The following MMP25 variants were observed in gnomAD, a reference collection of about 807,000 sequenced individuals.
MMP25 encodes the protein matrix metallopeptidase 25.
In MMP25, 68 loss-of-function variants were observed where a neutral mutation model predicts 62.1. The ratio of observed to expected loss-of-function variants is 1.10; its 90% CI spans 0.90 to 1.34. The LOEUF is 1.34. MMP25 is among the 40% of genes most tolerant of loss of function. MMP25 has a pLI of 0.00. For missense variants in MMP25, 942 were observed against 792.5 expected (o/e 1.19, Z -2.26); for synonymous variants, 407 against 345.6 (o/e 1.18, Z -1.97).
chr16:3,047,662 C>A (rs568729577), intron 2 of MMP25, 115 bp downstream of exon 2: 12 of 1,235,184 alleles, frequency 9.7e-6, no homozygotes, highest in African/African-American at 1.5e-5. Flanking sequence ...ATGCTGATCT[C>A]AGGCCCCAAA....
At position 3,059,080 on chromosome 16, in the gene MMP25, G is replaced by C; in HGVS notation, c.1671G>C (p.Gly557=). The change falls in exon 10 of 10, where the codon GGG becomes GGC. Residue 557 remains glycine, a synonymous_variant. Coordinates refer to ENST00000336577, the MANE Select transcript of MMP25 (RefSeq NM_022468.5). The part of the protein sequence containing the change: ...IPLLLLPLLV[G]GVASR ...TGCTCCTCTTGCCCCTGCTGGTGGG[G>C]GGTGTAGCCTCCCGCTGATGGGGGG... The C allele has an allele frequency of 1.9e-6, 3 of 1,546,326 alleles. No homozygotes were observed. Among genetic ancestry groups the C allele is most frequent in the Non-Finnish European group, 2.6e-6 (3 of 1,143,936 alleles).
At position 3,049,405 on chromosome 16, in the gene MMP25, C is replaced by T. The variant is rs193246187; in HGVS notation, c.233-604C>T. On this transcript the variant is annotated intron_variant, in intron 2 of 9. Transcript: ENST00000336577. ...ACAAACAGCCTAGAACAGTGTCTGG[C>T]ATCTATATGTCCTTCATCACTATTT... Among the ~76,000 whole-genome samples, 14 of 152,274 alleles carry T rather than the reference C, an allele frequency of 9.2e-5. No homozygotes were observed. In the East Asian group the frequency reaches 9.6e-4, roughly 10 times the overall value.
chr16:3,057,501 CT>C (rs772890296), intron 6 of MMP25, 29 bp from the exon 7 acceptor site: 1 of 1,607,606 alleles, frequency 6.2e-7, no homozygotes, highest in Admixed American at 1.7e-5. Context: ...ACAAACCCCC[CT>C]CTCTACTCAC....
At position 3,047,468 on chromosome 16, in the gene MMP25, G is replaced by A. The variant is rs780482358; in HGVS notation, c.153G>A (p.Gln51=). ...CGCCACCCCACCCTGCCCAGGCCCAGCTGCAGAGCCCTGAGAAGTTGCGCG... is the reference window on the plus strand; with the variant it reads ...CGCCACCCCACCCTGCCCAGGCCCAACTGCAGAGCCCTGAGAAGTTGCGCG... ...YLPPPHPAQA[Q]LQSPEKLRDA... Residue 51 remains glutamine, a synonymous_variant, in exon 2 of 10, where the codon CAG becomes CAA. Transcript: ENST00000336577. 6.2e-7 allele frequency: 1 copy of A among 1,613,892 alleles called. No homozygotes were observed. Among genetic ancestry groups the A allele is most frequent in the Non-Finnish European group, 8.5e-7 (1 of 1,179,956 alleles).
intron 4 of MMP25, among the ~76,000 whole-genome samples, chr16:3,056,393 C>CTT (rs202154299): frequency 1.3e-5 from 2 of 150,354 alleles, no homozygotes; most frequent in Non-Finnish European, 3.0e-5. Context: ...TTTTCTTTTT[C>CTT]TTTTTTTTTC....
intron 2 of MMP25, 152 bp from the exon 3 acceptor site, chr16:3,049,857 C>A: frequency 8.8e-7 from 1 of 1,140,552 alleles, no homozygotes; most frequent in African/African-American, 1.5e-5. Context: ...GACAGACTGC[C>A]TGGGTTCAAA....
At position 3,058,293 on chromosome 16, in the gene MMP25, C is replaced by G. The variant is rs1596222613; in HGVS notation, c.1119C>G (p.Ala373=). The G allele has an allele frequency of 6.2e-7, 1 of 1,607,110 alleles. No individual in the cohort carries two copies. The highest frequency in any genetic ancestry group is 8.5e-7 in the Non-Finnish European group (1 of 1,178,116). ...LPAQVRVVQA[A]YARHRDGRIL... ...CCCAGGTGAGGGTGGTGCAGGCCGC[C>G]TATGCTCGGCACCGAGACGGCCGAA... is the stretch of plus-strand genomic sequence containing the variant. The change falls in exon 8 of 10, where the codon GCC becomes GCG. Residue 373 remains alanine (A), a synonymous_variant. Transcript: ENST00000336577.
intron 4 of MMP25, 67 bp from the exon 5 acceptor site, chr16:3,056,966 A>G: frequency 2.0e-6 from 3 of 1,494,406 alleles, no homozygotes; most frequent in Non-Finnish European, 2.7e-6. Flanking sequence ...CTGCACTCGC[A>G]GGGCCTTCCT....
At chr16:3,047,275 G>T in intron 1 of MMP25, 140 bp from the exon 2 acceptor site, 2 of 1,304,394 alleles carry the variant, frequency 1.5e-6, no homozygotes, top group Non-Finnish European at 1.0e-6. Flanking sequence ...GGGACCTATG[G>T]AGGGGAGCAG....
chr16:3,048,824 T>A (rs1955857505), intron 2 of MMP25, among the ~76,000 whole-genome samples: 1 of 150,576 alleles, frequency 6.6e-6, no homozygotes, highest in Non-Finnish European at 1.5e-5. Flanking sequence ...TTTTTTTTTT[T>A]AGACAGAGTC....
At chr16:3,057,795 C>G in intron 7 of MMP25, 182 bp downstream of exon 7, 1 of 633,962 alleles carries the variant, frequency 1.6e-6, no homozygotes, top group Non-Finnish European at 2.8e-6. Flanking sequence ...AAATACTGGG[C>G]TCAAGCGATC....
chr16:3,050,521 G>C lies in MMP25; in HGVS notation c.636G>C (p.Glu212Asp), dbSNP rs997765901. Reference sequence around the variant, plus strand: ...CCGGGGACACTCACTTTGACGATGAGGAGACCTGGACTTTTGGGTCAAAAG... The same window carrying C: ...CCGGGGACACTCACTTTGACGATGACGAGACCTGGACTTTTGGGTCAAAAG... ...PISGDTHFDD[E>D]ETWTFGSKDG... Residue 212 changes from glutamate to aspartate, a missense_variant, in exon 4 of 10, where the codon GAG becomes GAC. Coordinates refer to ENST00000336577, the MANE Select transcript of MMP25 (RefSeq NM_022468.5). 1 of 1,570,014 alleles carries C rather than the reference G, an allele frequency of 6.4e-7. No individual in the cohort carries two copies. The highest frequency in any genetic ancestry group is 8.7e-7 in the Non-Finnish European group (1 of 1,156,050).
In MMP25 at chr16:3,047,058, T is replaced by C. The variant is rs370746271; in HGVS notation, c.99+42T>C. On this transcript the variant is annotated intron_variant, in intron 1 of 9. Transcript: ENST00000336577. ...CAGGCTCCTGGGGTCTGCAGAGAGA[T>C]TGGGAGAGGGAAGCCGGGCCCGGAC... The C allele has an allele frequency of 3.7e-3, 5,093 of 1,391,918 alleles. 51 individuals are homozygous for C. Among genetic ancestry groups the C allele is most frequent in the Middle Eastern group, 0.018 (80 of 4,328 alleles). 86.2% of individuals were successfully genotyped at this position (1,391,918 alleles called of 1,614,324 possible). A position where few individuals can be genotyped will look rare whatever the true frequency, so the allele number is the denominator to read the frequency against.
intron 7 of MMP25, 188 bp downstream of exon 7, chr16:3,057,801 C>G (rs565468776): frequency 1.6e-5 from 10 of 625,752 alleles, no homozygotes; most frequent in Non-Finnish European, 2.8e-5. Context: ...TGGGCTCAAG[C>G]GATCCTCCCA....
Position 3,050,113 on chromosome 16 carries a change from A to C in MMP25, c.337A>C (p.Ser113Arg). ...GCGTCGCCGGTACGCTCTGAGCGGC[A>C]GCGTGTGGAAGAAGCGAACCCTGAC... ...RRRRRYALSG[S>R]VWKKRTLTWR... Residue 113 changes from serine (S) to arginine (R), a missense_variant, in exon 3 of 10, where the codon AGC becomes CGC. Ser to Arg is a moderately radical substitution (Grantham distance 110). Transcript: ENST00000336577. The C allele has an allele frequency of 6.2e-7, 1 of 1,608,360 alleles. No homozygotes were observed. Among genetic ancestry groups the C allele is most frequent in the Non-Finnish European group, 8.5e-7 (1 of 1,176,616 alleles).
intron 4 of MMP25, chr16:3,050,958 T>C (rs1955894157): frequency 6.4e-6 from 1 of 155,502 alleles, no homozygotes; most frequent in African/African-American, 2.4e-5. Context: ...ACCTGGCTAG[T>C]TTTAAAACTT....
intron 4 of MMP25, chr16:3,055,808 G>A (rs748091294): frequency 8.8e-6 from 4 of 454,852 alleles, no homozygotes; most frequent in African/African-American, 4.0e-5. Context: ...GCGGGGCTGT[G>A]TCTCTGTCTT....
chr16:3,056,947 TG>T (rs1956019649), intron 4 of MMP25, 85 bp from the exon 5 acceptor site: 1 of 1,428,534 alleles, frequency 7.0e-7, no homozygotes, highest in South Asian at 1.4e-5. Context: ...CTGTTCCTGT[TG>T]GCCCCAGCTG....
Position 3,050,547 on chromosome 16 carries a change from G to C in MMP25, c.661+1G>C. ...GAGACCTGGACTTTTGGGTCAAAAG[G>C]TAAAATCTCCTCTCTTATGAGAGAT... On this transcript the variant is annotated splice_donor_variant, in intron 4 of 9. Coordinates refer to ENST00000336577, the MANE Select transcript of MMP25 (RefSeq NM_022468.5). LOFTEE classifies it high-confidence loss of function. 1 of 1,531,970 alleles carries C rather than the reference G, an allele frequency of 6.5e-7. No homozygotes were observed. Among genetic ancestry groups the C allele is most frequent in the Non-Finnish European group, 8.8e-7 (1 of 1,140,188 alleles). 94.9% of individuals were successfully genotyped at this position (1,531,970 alleles called of 1,614,324 possible). A position where few individuals can be genotyped will look rare whatever the true frequency, so the allele number is the denominator to read the frequency against.
Sources: allele counts gnomAD v4.1 joint callset (sites outside exome capture counted in the v4.1 genomes callset), GRCh38; gene constraint gnomAD v4.1.1; transcripts MANE v1.5; gene names NCBI Gene and HGNC (gene_info 2026-07-23, HGNC 2026-07-21).